Variants in THSD4 observed in about 807,000 individuals in gnomAD.
The protein encoded by THSD4 is thrombospondin type-1 domain-containing protein 4.
In THSD4, 69 loss-of-function variants were observed where a neutral mutation model predicts 119.0. The ratio of observed to expected loss-of-function variants is 0.58; its 90% CI spans 0.48 to 0.71. The LOEUF is 0.71. Ranked by LOEUF, THSD4 falls within the 30% of genes least tolerant of loss-of-function variation. THSD4 has a pLI of 0.00. For synonymous variants in THSD4, 524 were observed against 540.4 expected, an observed-to-expected ratio of 0.97 and a Z score of 0.42; for missense variants, 1,393 against 1,391.1, an observed-to-expected ratio of 1.00 and a Z score of -0.02.
intron 6 of THSD4, among the ~76,000 whole-genome samples, chr15:71,393,885 C>G (rs1449144613): frequency 6.6e-6 from 1 of 152,094 alleles, no homozygotes; most frequent in Non-Finnish European, 1.5e-5. Flanking sequence ...AAGGAGTCTT[C>G]CTGCTCCAAG....
rs79573526 is a variant in THSD4 at position 71,324,411 on chromosome 15, G to A, written c.1015+67696G>A. On this transcript the variant is annotated intron_variant, in intron 6 of 17. Coordinates refer to ENST00000261862, the MANE Select transcript of THSD4 (RefSeq NM_024817.3). ...AGATTTGAGCCCACCCATCACCTGA[G>A]TAGTGTACATTGTACCCAATGTGTA... Among the ~76,000 whole-genome samples, 5 of 152,256 alleles carry A rather than the reference G, an allele frequency of 3.3e-5. No individual in the cohort carries two copies. The East Asian group carries it at 7.7e-4, about 23-fold the overall frequency.
At chr15:71,165,616 G>T (rs772401491) in intron 3 of THSD4, among the ~76,000 whole-genome samples, 6 of 152,062 alleles carry the variant, frequency 3.9e-5, no homozygotes, top group Non-Finnish European at 8.8e-5. Context: ...TGTTGACTTT[G>T]GTTCTGGGTG....
chr15:71,240,129 G>A (rs910900610), intron 4 of THSD4, among the ~76,000 whole-genome samples: 2 of 152,202 alleles, frequency 1.3e-5, no homozygotes, highest in African/African-American at 4.8e-5. Context: ...ATATACATTG[G>A]TGCTTGTATA....
intron 6 of THSD4, among the ~76,000 whole-genome samples, chr15:71,268,322 G>C (rs1380469483): frequency 6.6e-6 from 1 of 152,120 alleles, no homozygotes; most frequent in Non-Finnish European, 1.5e-5. Flanking sequence ...CCGCACAACT[G>C]CATGGAAACT....
chr15:71,595,334 G>C (rs1279566807), intron 7 of THSD4, among the ~76,000 whole-genome samples: 1 of 152,180 alleles, frequency 6.6e-6, no homozygotes, highest in Non-Finnish European at 1.5e-5. Flanking sequence ...CCCGGCAGGA[G>C]GTAATTTAAT....
chr15:71,456,462 A>G (rs1430512445), intron 7 of THSD4, among the ~76,000 whole-genome samples: 1 of 152,218 alleles, frequency 6.6e-6, no homozygotes, highest in Non-Finnish European at 1.5e-5. Flanking sequence ...TGTGCTAAGC[A>G]TATTACCTGA....
At chr15:71,377,395 G>T (rs1220548849) in intron 6 of THSD4, among the ~76,000 whole-genome samples, 1 of 152,146 alleles carries the variant, frequency 6.6e-6, no homozygotes, top group Non-Finnish European at 1.5e-5. Context: ...CTAGGAGACA[G>T]CAGGAAAGGG....
chr15:71,660,854 G>A lies in THSD4; in HGVS notation c.1357+120G>A, dbSNP rs2051292513. 3.5e-6 allele frequency: 4 copies of A among 1,142,340 alleles called. No individual in the cohort carries two copies. The South Asian group carries it at 4.4e-5, about 13-fold the overall frequency. 70.8% of individuals were successfully genotyped at this position (1,142,340 alleles called of 1,614,324 possible). On this transcript the variant is annotated intron_variant, in intron 8 of 17. Coordinates refer to ENST00000261862, the MANE Select transcript of THSD4 (RefSeq NM_024817.3). ...CCCGGGGCATGCAGGCAGTGCCCCTGGGGAATGTCAAAGTACCACCTGGCC... is the reference window on the plus strand; with the variant it reads ...CCCGGGGCATGCAGGCAGTGCCCCTAGGGAATGTCAAAGTACCACCTGGCC...
intron 7 of THSD4, among the ~76,000 whole-genome samples, chr15:71,612,500 T>C (rs1165107834): frequency 2.0e-5 from 3 of 152,210 alleles, no homozygotes; most frequent in Non-Finnish European, 2.9e-5. Flanking sequence ...TTGCTCAGGT[T>C]GTTAATGTGT....
intron 15 of THSD4, among the ~76,000 whole-genome samples, chr15:71,760,908 T>C (rs898751231): frequency 8.5e-5 from 13 of 152,258 alleles, no homozygotes; most frequent in African/African-American, 2.9e-4. Flanking sequence ...TTGTTTCTTA[T>C]TGTTGATTTT....
At chr15:71,654,231 A>G (rs1486430538) in intron 7 of THSD4, among the ~76,000 whole-genome samples, 32 of 152,224 alleles carry the variant, frequency 2.1e-4, no homozygotes, top group Non-Finnish European at 5.9e-5. Flanking sequence ...TGTAAATAGG[A>G]ACCTTGTTTG....
chr15:71,161,161 G>C (rs2043246691), intron 3 of THSD4, among the ~76,000 whole-genome samples: 1 of 151,982 alleles, frequency 6.6e-6, no homozygotes, highest in Non-Finnish European at 1.5e-5. Context: ...TTGTTTTGTG[G>C]CCTGACGTGT....
intron 6 of THSD4, among the ~76,000 whole-genome samples, chr15:71,396,971 G>A (rs1322704910): frequency 6.6e-6 from 1 of 152,228 alleles, no homozygotes; most frequent in Non-Finnish European, 1.5e-5. Flanking sequence ...TCTACGAACA[G>A]GAAGCTACTG....
rs561534911 is a variant in THSD4 at position 71,690,282 on chromosome 15, G to A, written c.1357+29548G>A. 5.5e-4 allele frequency among the ~76,000 whole-genome samples: 84 copies of A among 152,184 alleles called. 1 individual carries two copies. The South Asian group carries it at 6.9e-3, about 12-fold the overall frequency. ...CTTTGGTGTTGCTGGCTCTTTCTTC[G>A]GAATCACAAAAGCCCAGAATCCTTG... On this transcript the variant is annotated intron_variant, in intron 8 of 17. Transcript: ENST00000261862.
chr15:71,445,607 C>T (rs1431338032), intron 7 of THSD4, among the ~76,000 whole-genome samples: 1 of 152,154 alleles, frequency 6.6e-6, no homozygotes, highest in Admixed American at 6.5e-5. Flanking sequence ...GTTCTGTTCC[C>T]CGTCATCTTG....
intron 5 of THSD4, among the ~76,000 whole-genome samples, chr15:71,254,114 C>T (rs1567170735): frequency 6.6e-6 from 1 of 152,200 alleles, no homozygotes; most frequent in African/African-American, 2.4e-5. Context: ...TGGCTGGAGC[C>T]TCACTGTGGA....
intron 7 of THSD4, among the ~76,000 whole-genome samples, chr15:71,481,356 T>A (rs1375761096): frequency 1.3e-5 from 2 of 152,232 alleles, no homozygotes; most frequent in Non-Finnish European, 2.9e-5. Context: ...TTCATATATA[T>A]TTATGTATAT....
chr15:71,403,844 C>CTA (rs55975701), intron 6 of THSD4, among the ~76,000 whole-genome samples: 106,322 of 151,906 alleles, frequency 0.7, 38,222 homozygotes, highest in East Asian at 0.83. Context: ...CTGACACATA[C>CTA]TAATGCTCAT....
chr15:71,104,724 T>C (rs916598177), intron 1 of THSD4, among the ~76,000 whole-genome samples: 1 of 152,212 alleles, frequency 6.6e-6, no homozygotes, highest in Non-Finnish European at 1.5e-5. Flanking sequence ...AAAGGTGTGA[T>C]ATCTTGAAGT....
Sources: gnomAD v4.1 joint callset for allele counts (sites outside exome capture counted in the v4.1 genomes callset) on GRCh38, gnomAD v4.1.1 for gene constraint, MANE v1.5 for transcripts, NCBI Gene and HGNC (gene_info 2026-07-23, HGNC 2026-07-21) for gene names.